The following GORAB variants were observed in gnomAD, a reference collection of about 807,000 sequenced individuals.
GORAB encodes RAB6-interacting golgin.
A neutral mutation model predicts 29.9 loss-of-function variants in GORAB; 17 were observed. The observed-to-expected ratio is 0.57, with a 90% confidence interval of 0.39 to 0.85. GORAB has a LOEUF of 0.85. Among genes scored for constraint, GORAB ranks in the 40% least tolerant of loss-of-function variants. The pLI is 0.00. For missense variants in GORAB, 442 were observed against 437.8 expected (o/e 1.01, Z -0.09); for synonymous variants, 183 against 157.2 (o/e 1.16, Z -1.23).
intron 4 of GORAB, among the ~76,000 whole-genome samples, chr1:170,550,817 G>A (rs985235362): frequency 1.3e-5 from 2 of 152,148 alleles, no homozygotes; most frequent in Non-Finnish European, 2.9e-5. Flanking sequence ...GAACTAGTTG[G>A]AAATCAATCT....
chr1:170,547,599 C>G (rs141328134), intron 4 of GORAB, among the ~76,000 whole-genome samples: 143 of 152,294 alleles, frequency 9.4e-4, no homozygotes, highest in African/African-American at 3.4e-3. Flanking sequence ...CTCATACATG[C>G]AAACATACAC....
Position 170,552,566 on chromosome 1 carries a change from T to C in GORAB, c.*104T>C. On this transcript the variant is annotated 3_prime_UTR_variant, in exon 5 of 5. Transcript: ENST00000367763. ...AAAAACCTCTTTAAAACAATGCTGA[T>C]TTTTGAATTCATGATTAGTTTTAGT... 5.1e-6 allele frequency: 5 copies of C among 977,162 alleles called. No individual in the cohort carries two copies. Among genetic ancestry groups the C allele is most frequent in the Non-Finnish European group, 8.1e-6 (5 of 614,398 alleles). 60.5% of individuals were successfully genotyped at this position (977,162 alleles called of 1,614,324 possible).
chr1:170,539,178 A>G (rs772275964), intron 1 of GORAB, 32 bp from the exon 2 acceptor site: 1 of 1,613,228 alleles, frequency 6.2e-7, no homozygotes, highest in Non-Finnish European at 8.5e-7. Flanking sequence ...CTGCCCACAC[A>G]AAGGAATTTT....
Position 170,553,074 on chromosome 1 carries a change from A to G in GORAB, c.*612A>G, listed in dbSNP as rs1650226571. On this transcript the variant is annotated 3_prime_UTR_variant, in exon 5 of 5. Coordinates refer to ENST00000367763, the MANE Select transcript of GORAB (RefSeq NM_152281.3). ...ATTTGCCTTCCAGTGATTTTAGTTT[A>G]CAACCTGCGTTTTGTTATTTGAAAC... The G allele has an allele frequency of 2.2e-6, 1 of 453,830 alleles. No individual in the cohort carries two copies. Among genetic ancestry groups the G allele is most frequent in the Non-Finnish European group, 4.4e-6 (1 of 226,728 alleles). 28.1% of individuals were successfully genotyped at this position (453,830 alleles called of 1,614,324 possible).
Position 170,552,841 on chromosome 1 carries a change from G to C in GORAB, c.*379G>C, listed in dbSNP as rs866209091. ...ACTCATTTCACTTCTCCTGGGAGAC[G>C]TATTAAGACTGGAAGTCCTATTTTA... On this transcript the variant is annotated 3_prime_UTR_variant, in exon 5 of 5. Coordinates refer to ENST00000367763, the MANE Select transcript of GORAB (RefSeq NM_152281.3). The C allele has an allele frequency of 4.4e-6, 2 of 454,076 alleles. No individual in the cohort carries two copies. The highest frequency in any genetic ancestry group is 3.1e-5 in the South Asian group (2 of 64,118). The allele number at this position is 454,076 out of a possible 1,614,324, so 28.1% of individuals were successfully genotyped here.
At chr1:170,551,508 C>T (rs1650099818) in intron 4 of GORAB, among the ~76,000 whole-genome samples, 1 of 152,174 alleles carries the variant, frequency 6.6e-6, no homozygotes, top group Non-Finnish European at 1.5e-5. Context: ...TCCACTTTCT[C>T]CATCTCTTGT....
Position 170,544,830 on chromosome 1 carries a change from A to G in GORAB, c.647A>G (p.Asp216Gly). 6.2e-7 allele frequency: 1 copy of G among 1,612,244 alleles called. No homozygotes were observed. Residue 216 changes from aspartate (D) to glycine (G), a missense_variant, in exon 4 of 5, where the codon GAC (aspartate) becomes GGC (glycine). Coordinates refer to ENST00000367763, the MANE Select transcript of GORAB (RefSeq NM_152281.3). Reference sequence around the variant, plus strand: ...AACCGGATTGATCAGGCCAGCTTAGACTATTCATACGCTCGGTGAGTTGGG... The same window carrying G: ...AACCGGATTGATCAGGCCAGCTTAGGCTATTCATACGCTCGGTGAGTTGGG... ...LRNRIDQASL[D>G]YSYARKRFDR...
chr1:170,540,731 T>C (rs1649363879), intron 2 of GORAB, among the ~76,000 whole-genome samples: 1 of 152,214 alleles, frequency 6.6e-6, no homozygotes, highest in African/African-American at 2.4e-5. Context: ...TTTTTTTGGA[T>C]ACTTGGAAGA....
At chr1:170,544,275 G>A (rs1649616992) in intron 3 of GORAB, among the ~76,000 whole-genome samples, 1 of 152,194 alleles carries the variant, frequency 6.6e-6, no homozygotes, top group Non-Finnish European at 1.5e-5. Context: ...ATAAAGAGGT[G>A]TGGTTTAGTA....
chr1:170,542,484 C>A lies in GORAB; in HGVS notation c.420-7C>A. On this transcript the variant is annotated splice_polypyrimidine_tract_variant and splice_region_variant and intron_variant, in intron 2 of 4. Coordinates refer to ENST00000367763, the MANE Select transcript of GORAB (RefSeq NM_152281.3). ...AAACTCATTTTTATGCTTTTTTTGC[C>A]CCCTAGGCAAGAAAAATCTCGTTGG... 2 of 1,597,190 alleles carry A rather than the reference C, an allele frequency of 1.3e-6. No individual in the cohort carries two copies. Among genetic ancestry groups the A allele is most frequent in the South Asian group, 1.1e-5 (1 of 90,642 alleles).
At chr1:170,545,428 C>A in intron 4 of GORAB, 1 of 955,744 alleles carries the variant, frequency 1.0e-6, no homozygotes. Flanking sequence ...ATATATGTTT[C>A]CTTGGTTTCA....
chr1:170,550,780 A>C (rs2101833132), intron 4 of GORAB, among the ~76,000 whole-genome samples: 1 of 152,368 alleles, frequency 6.6e-6, no homozygotes, highest in African/African-American at 2.4e-5. Flanking sequence ...CATGGCCTTC[A>C]CAACTGCTAA....
At chr1:170,541,899 G>A (rs1435280939) in intron 2 of GORAB, among the ~76,000 whole-genome samples, 2 of 152,150 alleles carry the variant, frequency 1.3e-5, no homozygotes, top group East Asian at 1.9e-4. Context: ...GATAGCTTGA[G>A]CCTAGGAGTT....
At chr1:170,542,424 G>C in intron 2 of GORAB, 67 bp from the exon 3 acceptor site, 1 of 880,260 alleles carries the variant, frequency 1.1e-6, no homozygotes, top group Admixed American at 1.7e-5. Context: ...GACTGGTAAG[G>C]TGTTGGATAG....
intron 2 of GORAB, among the ~76,000 whole-genome samples, chr1:170,541,997 A>G (rs2101824312): frequency 6.6e-6 from 1 of 152,310 alleles, no homozygotes; most frequent in Admixed American, 6.5e-5. Context: ...AGTTGGGAAA[A>G]AGTGAGCAAA....
chr1:170,549,439 A>G (rs897048808), intron 4 of GORAB, among the ~76,000 whole-genome samples: 1 of 152,230 alleles, frequency 6.6e-6, no homozygotes, highest in African/African-American at 2.4e-5. Context: ...TGATAGATCA[A>G]TGGAAACCAA....
intron 4 of GORAB, among the ~76,000 whole-genome samples, chr1:170,546,129 G>T (rs368066218): frequency 6.6e-6 from 1 of 152,090 alleles, no homozygotes; most frequent in African/African-American, 2.4e-5. Flanking sequence ...GGTGGCTCAC[G>T]CCTGTAATCT....
At chr1:170,542,772 A>G (rs1649515133) in intron 3 of GORAB, among the ~76,000 whole-genome samples, 180 bp downstream of exon 3, 1 of 152,246 alleles carries the variant, frequency 6.6e-6, no homozygotes, top group Admixed American at 6.5e-5. Context: ...ATAATTTATT[A>G]AAGAGAACTT....
chr1:170,542,682 AC>A (rs1649510914), intron 3 of GORAB, 90 bp downstream of exon 3: 1 of 884,294 alleles, frequency 1.1e-6, no homozygotes, highest in African/African-American at 1.7e-5. Context: ...CTTTTAATAA[AC>A]TGATATTTTT....
Sources: gnomAD v4.1 joint callset for allele counts (sites outside exome capture counted in the v4.1 genomes callset) on GRCh38, gnomAD v4.1.1 for gene constraint, MANE v1.5 for transcripts, NCBI Gene and HGNC (gene_info 2026-07-23, HGNC 2026-07-21) for gene names.